LDB2: variants seen among roughly 807,000 people sequenced by gnomAD.
LDB2 encodes LIM domain binding 2.
Under a neutral mutation model 44.3 loss-of-function variants are expected in LDB2, and 12 were observed. The observed-to-expected ratio is 0.27, with a 90% CI of 0.17 to 0.44. LDB2 has a LOEUF of 0.44. Among genes scored for constraint, LDB2 ranks in the 20% least tolerant of loss-of-function variants. The probability of loss-of-function intolerance (pLI) is 1.00; values close to 1 mark genes in which losing one functional copy is unlikely to be tolerated. For synonymous variants in LDB2, 164 were observed against 174.8 expected (o/e 0.94, Z 0.49); for missense variants, 344 against 473.5 (o/e 0.73, Z 2.54).
At chr4:16,714,446 T>A (rs549968201) in intron 2 of LDB2, among the ~76,000 whole-genome samples, 1 of 152,156 alleles carries the variant, frequency 6.6e-6, no homozygotes, top group Non-Finnish European at 1.5e-5. Context: ...GAGGTGCTTT[T>A]GCTGCCAGGA....
intron 4 of LDB2, among the ~76,000 whole-genome samples, 169 bp from the exon 5 acceptor site, chr4:16,586,174 A>G (rs1716724506): frequency 6.6e-6 from 1 of 152,214 alleles, no homozygotes; most frequent in Non-Finnish European, 1.5e-5. Flanking sequence ...ACTTGCATAT[A>G]ACACTCAAGG....
intron 2 of LDB2, among the ~76,000 whole-genome samples, chr4:16,756,480 A>G (rs1166323343): frequency 6.6e-6 from 1 of 152,090 alleles, no homozygotes. Flanking sequence ...TCAGATCGTA[A>G]CCCAGAGTTT....
intron 5 of LDB2, among the ~76,000 whole-genome samples, chr4:16,553,923 C>T (rs1738541377): frequency 6.6e-6 from 1 of 152,152 alleles, no homozygotes; most frequent in South Asian, 2.1e-4. Context: ...TTCATGCCCA[C>T]ACCCTCAAAC....
chr4:16,629,217 C>T (rs560468268), intron 2 of LDB2, among the ~76,000 whole-genome samples: 73 of 152,312 alleles, frequency 4.8e-4, no homozygotes, highest in Admixed American at 1.2e-3. Flanking sequence ...CAAAAGGCAG[C>T]AGACAGCTTC....
At chr4:16,514,986 A>C (rs1477446467) in intron 5 of LDB2, among the ~76,000 whole-genome samples, 1 of 152,192 alleles carries the variant, frequency 6.6e-6, no homozygotes, top group African/African-American at 2.4e-5. Flanking sequence ...ACCTTTACTC[A>C]TATGTTCATT....
chr4:16,693,770 C>A (rs377155855), intron 2 of LDB2, among the ~76,000 whole-genome samples: 1 of 152,176 alleles, frequency 6.6e-6, no homozygotes, highest in East Asian at 1.9e-4. Context: ...TGCAGCACTT[C>A]CCTGCAAATA....
chr4:16,677,443 G>A (rs1450176218), intron 2 of LDB2, among the ~76,000 whole-genome samples: 1 of 152,226 alleles, frequency 6.6e-6, no homozygotes, highest in Non-Finnish European at 1.5e-5. Flanking sequence ...GGGATGACTG[G>A]ATTGGGCGGG....
intron 1 of LDB2, among the ~76,000 whole-genome samples, chr4:16,767,098 C>T (rs991759467): frequency 2.0e-5 from 3 of 152,138 alleles, no homozygotes; most frequent in Non-Finnish European, 4.4e-5. Flanking sequence ...ATATTAAAAG[C>T]ATCTGCATCT....
intron 2 of LDB2, among the ~76,000 whole-genome samples, chr4:16,719,245 T>C (rs1292490168): frequency 3.9e-5 from 6 of 152,156 alleles, no homozygotes; most frequent in Non-Finnish European, 5.9e-5. Flanking sequence ...GGTAGATTAC[T>C]CCTTCAGTAA....
chr4:16,707,219 T>C (rs549618600), intron 2 of LDB2, among the ~76,000 whole-genome samples: 1 of 152,332 alleles, frequency 6.6e-6, no homozygotes, highest in East Asian at 1.9e-4. Context: ...GGTCATTTTA[T>C]GCCACTGAGA....
chr4:16,573,212 T>C (rs1909916), intron 5 of LDB2, among the ~76,000 whole-genome samples: 12,257 of 152,254 alleles, frequency 0.081, 614 homozygotes, highest in East Asian at 0.24. Context: ...TCCTAATATA[T>C]ATATAGAGGG....
intron 5 of LDB2, among the ~76,000 whole-genome samples, chr4:16,553,987 A>G (rs1037017181): frequency 3.3e-5 from 5 of 151,556 alleles, no homozygotes; most frequent in Non-Finnish European, 5.9e-5. Context: ...CTAAGAATCC[A>G]TCCTCTAGAT....
chr4:16,605,870 C>T (rs1279434211), intron 2 of LDB2, among the ~76,000 whole-genome samples: 1 of 152,158 alleles, frequency 6.6e-6, no homozygotes, highest in East Asian at 1.9e-4. Flanking sequence ...AAGTTACCAC[C>T]AGGAGGGGGA....
At chr4:16,693,315 C>G (rs1751250672) in intron 2 of LDB2, among the ~76,000 whole-genome samples, 1 of 149,256 alleles carries the variant, frequency 6.7e-6, no homozygotes, top group Non-Finnish European at 1.5e-5. Flanking sequence ...TGCCCTTGAA[C>G]TATGGGCTAC....
At chr4:16,783,345 T>G (rs1387900858) in intron 1 of LDB2, among the ~76,000 whole-genome samples, 4 of 152,244 alleles carry the variant, frequency 2.6e-5, no homozygotes, top group African/African-American at 4.8e-5. Context: ...GGGAGCCCCA[T>G]GGATGGCCAA....
intron 1 of LDB2, among the ~76,000 whole-genome samples, chr4:16,782,642 G>A (rs945188434): frequency 1.3e-5 from 2 of 152,144 alleles, no homozygotes; most frequent in African/African-American, 4.8e-5. Context: ...GAGCCACCAC[G>A]CCCAGCAAAA....
At position 16,634,939 on chromosome 4, in the gene LDB2, C is replaced by T. The variant is rs1471656663; in HGVS notation, c.236-39064G>A. Among the ~76,000 whole-genome samples, 3 of 152,294 alleles carry T rather than the reference C, an allele frequency of 2.0e-5. No individual in the cohort carries two copies. The East Asian group carries it at 5.8e-4, about 29-fold the overall frequency. On this transcript the variant is annotated intron_variant, in intron 2 of 7. Coordinates refer to ENST00000304523, the MANE Select transcript of LDB2 (RefSeq NM_001290.5). ...GGATTAAGAAAATGTGGCATATGTA[C>T]ACCATGGAATACTATGCAGCCATAA... is the stretch of plus-strand genomic sequence containing the variant.
chr4:16,560,250 A>G (rs1190670198), intron 5 of LDB2, among the ~76,000 whole-genome samples: 1 of 152,182 alleles, frequency 6.6e-6, no homozygotes, highest in Non-Finnish European at 1.5e-5. Context: ...GACACCAAAA[A>G]CCCTTAAAAA....
At chr4:16,867,603 G>C (rs1715130980) in intron 1 of LDB2, among the ~76,000 whole-genome samples, 1 of 152,164 alleles carries the variant, frequency 6.6e-6, no homozygotes, top group African/African-American at 2.4e-5. Context: ...AGGATTCCAG[G>C]AGATATAGCT....
Sources: allele counts gnomAD v4.1 joint callset (sites outside exome capture counted in the v4.1 genomes callset), GRCh38; gene constraint gnomAD v4.1.1; transcripts MANE v1.5; gene names NCBI Gene and HGNC (gene_info 2026-07-23, HGNC 2026-07-21).